The following TMEM260 variants were observed in gnomAD, a reference collection of about 807,000 sequenced individuals.
TMEM260 encodes the protein transmembrane protein 260, also known as protein O-mannosyl-transferase TMEM260.
A neutral mutation model predicts 88.9 loss-of-function variants in TMEM260; 82 were observed. That is an observed-to-expected ratio of 0.92 (90% CI 0.77 to 1.11). The LOEUF is 1.11. TMEM260 is among the 50% of genes least tolerant of loss of function. The pLI, the probability that TMEM260 is intolerant of heterozygous loss-of-function variation, is 0.00. For missense variants in TMEM260, 902 were observed against 853.4 expected, an observed-to-expected ratio of 1.06 and a Z score of -0.71; for synonymous variants, 314 against 309.3, an observed-to-expected ratio of 1.02 and a Z score of -0.16.
intron 15 of TMEM260, among the ~76,000 whole-genome samples, chr14:56,645,586 A>G (rs1171061004): frequency 6.6e-6 from 1 of 152,166 alleles, no homozygotes; most frequent in East Asian, 1.9e-4. Flanking sequence ...TGGCACATGT[A>G]TACATATGTA....
chr14:56,615,933 G>A lies in TMEM260; in HGVS notation c.858-11G>A, dbSNP rs746166020. 1.1e-5 allele frequency: 17 copies of A among 1,600,594 alleles called. No individual in the cohort carries two copies. The highest frequency in any genetic ancestry group is 1.7e-5 in the Admixed American group (1 of 59,680). ...TTTCCTGCCAACAATAAGTTAGATT[G>A]TTTTTTGCAGTTCTCAAGTAACAAA... On this transcript the variant is annotated splice_polypyrimidine_tract_variant and intron_variant, in intron 7 of 15. Transcript: ENST00000261556.
chr14:56,583,277 C>G (rs1885255577), intron 1 of TMEM260, among the ~76,000 whole-genome samples: 1 of 152,270 alleles, frequency 6.6e-6, no homozygotes, highest in South Asian at 2.1e-4. Flanking sequence ...TAAAAAGAAG[C>G]ATTTAGGATA....
At chr14:56,586,204 A>T (rs17093201) in intron 3 of TMEM260, among the ~76,000 whole-genome samples, 2,867 of 152,274 alleles carry the variant, frequency 0.019, 85 homozygotes, top group African/African-American at 0.065. Context: ...GGCCAGTTTA[A>T]TTCAACAATA....
At chr14:56,611,410 T>C (rs935635990) in intron 6 of TMEM260, among the ~76,000 whole-genome samples, 3 of 152,246 alleles carry the variant, frequency 2.0e-5, no homozygotes, top group East Asian at 3.8e-4. Context: ...CTGTGTCTTT[T>C]AGACATACAG....
In TMEM260 at chr14:56,585,883, T is replaced by C. The variant is rs764754867; in HGVS notation, c.315T>C (p.Ala105=). 2 of 1,613,022 alleles carry C rather than the reference T, an allele frequency of 1.2e-6. No homozygotes were observed. The change falls in exon 3 of 16, where the codon GCT becomes GCC. Residue 105 remains alanine (A), a synonymous_variant. Coordinates refer to ENST00000261556, the MANE Select transcript of TMEM260 (RefSeq NM_017799.4). ...TCTGTGGCTTATTTGGAGCAGTAGC[T>C]GCATCATTACTTTTTTTCACCGTTT... ...NLLCGLFGAV[A]ASLLFFTVFR... is the part of the protein sequence containing the mutation.
At chr14:56,587,021 TC>T (rs1885549794) in intron 3 of TMEM260, among the ~76,000 whole-genome samples, 1 of 151,824 alleles carries the variant, frequency 6.6e-6, no homozygotes, top group Non-Finnish European at 1.5e-5. Context: ...TTAATATTTT[TC>T]TTTTTCTCAA....
intron 3 of TMEM260, among the ~76,000 whole-genome samples, chr14:56,602,761 CAG>C (rs1267912338): frequency 8.6e-5 from 13 of 151,796 alleles, no homozygotes; most frequent in African/African-American, 9.7e-5. Context: ...AAATTGCAAA[CAG>C]AAAATCAAAG....
intron 6 of TMEM260, among the ~76,000 whole-genome samples, chr14:56,612,009 T>TA (rs1887310332): frequency 6.6e-6 from 1 of 152,060 alleles, no homozygotes; most frequent in African/African-American, 2.4e-5. Flanking sequence ...GGGAATGGAT[T>TA]AAAAAAACTA....
rs1890063009 is a variant in TMEM260 at position 56,647,843 on chromosome 14, G to C, written c.*346G>C. 2 of 189,008 alleles carry C rather than the reference G, an allele frequency of 1.1e-5. No individual in the cohort carries two copies. Among genetic ancestry groups the C allele is most frequent in the African/African-American group, 4.7e-5 (2 of 42,362 alleles). 11.7% of individuals were successfully genotyped at this position (189,008 alleles called of 1,614,324 possible). A position where few individuals can be genotyped will look rare whatever the true frequency, so the allele number is the denominator to read the frequency against. On this transcript the variant is annotated 3_prime_UTR_variant, in exon 16 of 16. Transcript: ENST00000261556. ...AAATATTGGTCATGAACTGTGTAAG[G>C]GCCATGCTTATTGGGATCAGTTTTA...
chr14:56,630,186 G>T (rs1888498152), intron 12 of TMEM260, among the ~76,000 whole-genome samples: 1 of 151,964 alleles, frequency 6.6e-6, no homozygotes, highest in Non-Finnish European at 1.5e-5. Flanking sequence ...CTTTTTATTT[G>T]TCTTTAGTTT....
chr14:56,639,986 A>T (rs999290886), intron 15 of TMEM260, among the ~76,000 whole-genome samples: 2 of 152,236 alleles, frequency 1.3e-5, no homozygotes, highest in Non-Finnish European at 2.9e-5. Context: ...AGCAGCTGGG[A>T]AGCTCGAACT....
intron 3 of TMEM260, among the ~76,000 whole-genome samples, chr14:56,596,379 A>AGTGTGTGTGTGT (rs1179693743): frequency 2.6e-4 from 13 of 50,108 alleles, no homozygotes; most frequent in Admixed American, 2.1e-3. Context: ...TATATATGTG[A>AGTGTGTGTGTGT]GAGTGTGTGT....
intron 6 of TMEM260, 21 bp downstream of exon 6, chr14:56,609,306 C>T: frequency 6.2e-7 from 1 of 1,604,008 alleles, no homozygotes; most frequent in Non-Finnish European, 8.5e-7. Flanking sequence ...ATTTAAAGCC[C>T]TTCTAAGGAA....
intron 3 of TMEM260, among the ~76,000 whole-genome samples, chr14:56,597,748 G>A (rs980280615): frequency 6.6e-6 from 1 of 152,114 alleles, no homozygotes; most frequent in African/African-American, 2.4e-5. Context: ...GATGGTGGTG[G>A]TATGGATGGA....
chr14:56,599,181 A>G (rs943241671), intron 3 of TMEM260, among the ~76,000 whole-genome samples: 2 of 151,768 alleles, frequency 1.3e-5, no homozygotes, highest in African/African-American at 2.4e-5. Context: ...TTCCTTTTCT[A>G]TTCAGTCTAG....
At position 56,636,605 on chromosome 14, in the gene TMEM260, T is replaced by C. The variant is rs1273369815; in HGVS notation, c.1869+7T>C. ...CTACGCTCAAGCATATGACGTATGT[T>C]ACACTTTTATATGTAGATATAGATA... On this transcript the variant is annotated splice_region_variant and intron_variant, in intron 15 of 15. Transcript: ENST00000261556. 1 of 1,610,572 alleles carries C rather than the reference T, an allele frequency of 6.2e-7. No homozygotes were observed. The highest frequency in any genetic ancestry group is 8.5e-7 in the Non-Finnish European group (1 of 1,176,816).
intron 5 of TMEM260, among the ~76,000 whole-genome samples, chr14:56,606,312 C>T (rs970499328): frequency 3.9e-5 from 6 of 152,140 alleles, no homozygotes; most frequent in African/African-American, 1.4e-4. Flanking sequence ...TTAAAATAGT[C>T]TATATACAAA....
the TMEM260 span, among the ~76,000 whole-genome samples, chr14:56,661,377 G>C: frequency 1.3e-5 from 2 of 152,198 alleles, no homozygotes; most frequent in Non-Finnish European, 2.9e-5. Context: ...GCCCTCGGTG[G>C]TGGAGCAGGA....
rs764291940 is a variant in TMEM260, at chr14:56,625,423, C to A, written c.1440C>A (p.His480Gln). 2 of 1,613,850 alleles carry A rather than the reference C, an allele frequency of 1.2e-6. No individual in the cohort carries two copies. The highest frequency in any genetic ancestry group is 1.7e-6 in the Non-Finnish European group (2 of 1,179,820). The change falls in exon 12 of 16, where the codon CAC (histidine) becomes CAA (glutamine). Residue 480 changes from histidine to glutamine, a missense_variant. His to Gln is a conservative substitution (Grantham distance 24). Coordinates refer to ENST00000261556, the MANE Select transcript of TMEM260 (RefSeq NM_017799.4). ...YEWYLPKMAK[H>Q]LPGVNFPGNR... is the part of the protein sequence containing the mutation. ...GGTATTTACCCAAGATGGCAAAGCA[C>A]TTGCCAGGTGTCAACTTTCCTGGGA... is the stretch of plus-strand genomic sequence containing the variant.
Sources: gnomAD v4.1 joint callset for allele counts (sites outside exome capture counted in the v4.1 genomes callset) on GRCh38, gnomAD v4.1.1 for gene constraint, MANE v1.5 for transcripts, NCBI Gene and HGNC (gene_info 2026-07-23, HGNC 2026-07-21) for gene names.